DPYD: variants seen among roughly 807,000 people sequenced by gnomAD.
DPYD encodes dihydropyrimidine dehydrogenase.
DPYD carries 109 observed loss-of-function variants against 116.2 expected under a neutral mutation model. The ratio of observed to expected loss-of-function variants is 0.94; its 90% confidence interval spans 0.80 to 1.10. DPYD has a LOEUF of 1.10. DPYD is among the 50% of genes least tolerant of loss of function. DPYD has a pLI of 0.00. For missense variants in DPYD, 1,302 were observed against 1,254.5 expected, an observed-to-expected ratio of 1.04 and a Z score of -0.57; for synonymous variants, 440 against 432.0, an observed-to-expected ratio of 1.02 and a Z score of -0.23.
At chr1:97,164,690 G>A (rs1322085385) in intron 20 of DPYD, among the ~76,000 whole-genome samples, 1 of 152,038 alleles carries the variant, frequency 6.6e-6, no homozygotes, top group African/African-American at 2.4e-5. Context: ...GTCACAAAAA[G>A]AATAAAATAC....
At chr1:97,541,819 A>G (rs1650470268) in intron 12 of DPYD, among the ~76,000 whole-genome samples, 1 of 152,186 alleles carries the variant, frequency 6.6e-6, no homozygotes, top group Admixed American at 6.5e-5. Context: ...TTTCAGTTAC[A>G]AATTCTTTCT....
Position 97,595,092 on chromosome 1 carries a change from A to C in DPYD, c.925T>G (p.Phe309Val). ...CTGCCTTTGGCTACAAGTGGCAAAA[A>C]GTCTTTGGATGTATAAAACCCCTGG... ...QDQGFYTSKD[F>V]LPLVAKGSKA... The change falls in exon 9 of 23, where the codon TTT (phenylalanine) becomes GTT (valine). Residue 309 changes from phenylalanine to valine, a missense_variant. Phe to Val is a conservative substitution (Grantham distance 50, BLOSUM62 -1). Transcript: ENST00000370192. 6.2e-7 allele frequency: 1 copy of C among 1,613,716 alleles called. No individual in the cohort carries two copies. Among genetic ancestry groups the C allele is most frequent in the Non-Finnish European group, 8.5e-7 (1 of 1,179,678 alleles).
At chr1:97,811,327 T>C (rs1315363963) in intron 3 of DPYD, among the ~76,000 whole-genome samples, 1 of 152,132 alleles carries the variant, frequency 6.6e-6, no homozygotes, top group Non-Finnish European at 1.5e-5. Context: ...CATAACTGTA[T>C]CTCCAGTTTC....
intron 3 of DPYD, among the ~76,000 whole-genome samples, chr1:97,816,147 C>G (rs914986526): frequency 1.3e-5 from 2 of 151,650 alleles, no homozygotes; most frequent in Non-Finnish European, 2.9e-5. Context: ...ACACTGTACA[C>G]TATAGCCTCA....
intron 3 of DPYD, among the ~76,000 whole-genome samples, chr1:97,781,061 A>G (rs933046209): frequency 3.3e-5 from 5 of 152,206 alleles, no homozygotes; most frequent in Non-Finnish European, 5.9e-5. Flanking sequence ...CTTGGAGCAC[A>G]CAGCCACAGA....
At chr1:97,715,517 T>C (rs1053828527) in intron 5 of DPYD, among the ~76,000 whole-genome samples, 4 of 152,160 alleles carry the variant, frequency 2.6e-5, no homozygotes, top group Non-Finnish European at 5.9e-5. Flanking sequence ...TCAATGTTAG[T>C]TTGATTAACT....
intron 12 of DPYD, among the ~76,000 whole-genome samples, chr1:97,520,461 C>CT (rs1648565366): frequency 1.3e-5 from 2 of 152,202 alleles, no homozygotes; most frequent in Non-Finnish European, 2.9e-5. Context: ...GTAGTTACCT[C>CT]TTTTTTATTT....
At chr1:97,303,192 C>G (rs1450071715) in intron 18 of DPYD, among the ~76,000 whole-genome samples, 1 of 151,924 alleles carries the variant, frequency 6.6e-6, no homozygotes, top group African/African-American at 2.4e-5. Context: ...GGAAAATATC[C>G]TTCACTGGCA....
chr1:97,544,142 T>C (rs538335969), intron 12 of DPYD, among the ~76,000 whole-genome samples: 39 of 152,294 alleles, frequency 2.6e-4, no homozygotes, highest in African/African-American at 8.9e-4. Context: ...CTGGCTGCAG[T>C]GTAGGGGCAT....
intron 6 of DPYD, 87 bp downstream of exon 6, chr1:97,699,263 TC>T (rs1661461252): frequency 2.3e-6 from 3 of 1,311,862 alleles, no homozygotes; most frequent in Non-Finnish European, 3.3e-6. Context: ...AGCCTGAAGT[TC>T]CTATATGATT....
intron 16 of DPYD, among the ~76,000 whole-genome samples, chr1:97,316,982 A>G (rs1057209315): frequency 2.0e-5 from 3 of 151,794 alleles, no homozygotes; most frequent in Admixed American, 6.6e-5. Context: ...CCATAGGCCT[A>G]TCTTCACAGG....
chr1:97,779,007 C>T (rs901198652), intron 3 of DPYD, among the ~76,000 whole-genome samples: 2 of 151,956 alleles, frequency 1.3e-5, no homozygotes, highest in African/African-American at 4.8e-5. Flanking sequence ...TAAACCTTCA[C>T]CAGGAATATA....
chr1:97,653,192 T>TA (rs951115358), intron 8 of DPYD, among the ~76,000 whole-genome samples: 60 of 152,256 alleles, frequency 3.9e-4, no homozygotes, highest in African/African-American at 1.4e-3. Context: ...AGGACAAGTA[T>TA]AGTGCATGGA....
chr1:97,835,161 T>C (rs1416899407), intron 2 of DPYD, among the ~76,000 whole-genome samples: 3 of 151,878 alleles, frequency 2.0e-5, no homozygotes, highest in Admixed American at 1.3e-4. Flanking sequence ...GTAGGAGAGG[T>C]AGGAGCTATG....
At chr1:97,825,375 G>C (rs376245654) in intron 3 of DPYD, among the ~76,000 whole-genome samples, 1 of 152,058 alleles carries the variant, frequency 6.6e-6, no homozygotes, top group East Asian at 1.9e-4. Flanking sequence ...ATGGTGAAAG[G>C]CCCCCCAACA....
intron 3 of DPYD, among the ~76,000 whole-genome samples, chr1:97,799,954 TC>T (rs1351365062): frequency 1.3e-5 from 2 of 151,864 alleles, no homozygotes; most frequent in Admixed American, 6.6e-5. Flanking sequence ...CTTGTTCAAT[TC>T]CCCCATTAGT....
rs1346856479 is a variant in DPYD at position 97,382,460 on chromosome 1, A to G, written c.1907T>C (p.Ile636Thr). Residue 636 changes from isoleucine to threonine, a missense_variant and splice_region_variant, in exon 15 of 23, where the codon ATT (isoleucine) becomes ACT (threonine). Coordinates refer to ENST00000370192, the MANE Select transcript of DPYD (RefSeq NM_000110.4). ...TELKADFPDN[I>T]VIASIMCSYN... is the part of the protein sequence containing the mutation. ...ACTGCACATAATGCTAGCAATCACA[A>G]TCTTTAAAAAGAAAAACAAAAGAAT... The G allele has an allele frequency of 2.5e-6, 4 of 1,579,062 alleles. No homozygotes were observed. Among genetic ancestry groups the G allele is most frequent in the African/African-American group, 1.3e-5 (1 of 74,088 alleles).
intron 12 of DPYD, among the ~76,000 whole-genome samples, chr1:97,541,479 G>A (rs1650448581): frequency 6.6e-6 from 1 of 151,940 alleles, no homozygotes; most frequent in Non-Finnish European, 1.5e-5. Flanking sequence ...AAATGAAAAT[G>A]GTAGACAATA....
intron 7 of DPYD, among the ~76,000 whole-genome samples, chr1:97,689,048 G>A (rs1660878629): frequency 6.7e-6 from 1 of 148,330 alleles, no homozygotes; most frequent in Non-Finnish European, 1.5e-5. Flanking sequence ...ACAAGAAAAA[G>A]AATTCCATGT....
Sources: allele counts gnomAD v4.1 joint callset (sites outside exome capture counted in the v4.1 genomes callset), GRCh38; gene constraint gnomAD v4.1.1; transcripts MANE v1.5; gene names NCBI Gene and HGNC (gene_info 2026-07-23, HGNC 2026-07-21).